The following GATA6 variants were observed in gnomAD, a reference collection of about 807,000 sequenced individuals.
The protein encoded by GATA6 is transcription factor GATA-6.
A neutral mutation model predicts 48.1 loss-of-function variants in GATA6; 11 were observed. That is an observed-to-expected ratio of 0.23 (90% confidence interval 0.14 to 0.38). The LOEUF is 0.38. Among genes scored for constraint, GATA6 ranks in the 10% least tolerant of loss-of-function variants. GATA6 has a pLI of 1.00. For synonymous variants in GATA6, 419 were observed against 396.1 expected, an observed-to-expected ratio of 1.06 and a Z score of -0.69; for missense variants, 795 against 850.3, an observed-to-expected ratio of 0.93 and a Z score of 0.81.
intron 6 of GATA6, among the ~76,000 whole-genome samples, chr18:22,194,722 AAC>A (rs1211912052): frequency 8.5e-5 from 8 of 94,048 alleles, no homozygotes; most frequent in African/African-American, 2.4e-4. Flanking sequence ...CCCCCCTCCC[AAC>A]ACACACACAT....
intron 6 of GATA6, among the ~76,000 whole-genome samples, chr18:22,199,178 C>T (rs2033426374): frequency 6.6e-6 from 1 of 152,180 alleles, no homozygotes; most frequent in African/African-American, 2.4e-5. Context: ...AGAGTTGGAC[C>T]TCATTCACTT....
intron 6 of GATA6, among the ~76,000 whole-genome samples, chr18:22,199,901 A>C (rs2033434556): frequency 1.1e-5 from 1 of 95,206 alleles, no homozygotes; most frequent in Admixed American, 1.0e-4. Flanking sequence ...ACTCTGTTTC[A>C]AAAAAAAAAA....
chr18:22,175,380 G>A (rs1456465637), intron 2 of GATA6: 1 of 152,128 alleles, frequency 6.6e-6, no homozygotes, highest in African/African-American at 2.4e-5. Flanking sequence ...CCCAGTCATA[G>A]GACTGGGTTT....
At chr18:22,180,726 TAATAA>T (rs34076816) in intron 3 of GATA6, among the ~76,000 whole-genome samples, 6,143 of 152,142 alleles carry the variant, frequency 0.04, 387 homozygotes, top group African/African-American at 0.13. Context: ...AAGCCATTTC[TAATAA>T]TGTACTTTCA....
intron 6 of GATA6, among the ~76,000 whole-genome samples, chr18:22,195,557 CAATTT>C (rs2033379377): frequency 1.3e-5 from 2 of 152,172 alleles, no homozygotes; most frequent in African/African-American, 4.8e-5. Context: ...CTATGCAATT[CAATTT>C]AAGTATTCAA....
rs1362455201 is a variant in GATA6, at chr18:22,200,662, G to A, written c.1627G>A (p.Ala543Thr). 6.2e-7 allele frequency: 1 copy of A among 1,614,250 alleles called. No homozygotes were observed. Among genetic ancestry groups the A allele is most frequent in the South Asian group, 1.1e-5 (1 of 91,084 alleles). The stretch of plus-strand genomic sequence containing the variant: ...TGTCCCCCTCTTCTGCCAGGCGGGT[G>A]CCCCGGTGATGACTGGTGCGGGAGA... ...TTQPTASGAG[A>T]PVMTGAGEST... is the part of the protein sequence containing the mutation. The change falls in exon 7 of 7, where the codon GCC becomes ACC. Residue 543 changes from alanine (A) to threonine (T), a missense_variant. By Grantham distance (58) the Ala-to-Thr change is moderately conservative (BLOSUM62 0). Around this residue, in one of 5 missense-constraint regions of GATA6, gnomAD observed 103 missense variants for 103.7 expected, o/e 0.99. Coordinates refer to ENST00000269216, the MANE Select transcript of GATA6 (RefSeq NM_005257.6).
chr18:22,185,486 C>T lies in GATA6; in HGVS notation c.1620+2443C>T, dbSNP rs576000603. On this transcript the variant is annotated intron_variant, in intron 6 of 6. Coordinates refer to ENST00000269216, the MANE Select transcript of GATA6 (RefSeq NM_005257.6). This position sits in a 1 kb window ranked among gnomAD's most constrained non-coding sequence, Gnocchi z 4.3. ...TCCGAGCTCTCCAGCCTCTGGGCTG[C>T]GCAGCAGAAACACTGACTGCCATTA... 2.0e-5 allele frequency among the ~76,000 whole-genome samples: 3 copies of T among 152,370 alleles called. No individual in the cohort carries two copies. In the South Asian group the frequency reaches 6.2e-4, roughly 32 times the overall value.
At chr18:22,181,414 A>G in intron 3 of GATA6, 39 bp from the exon 4 acceptor site, 3 of 1,608,700 alleles carry the variant, frequency 1.9e-6, no homozygotes, top group Non-Finnish European at 2.6e-6. Context: ...TATATATGTC[A>G]CTTATATTTT....
At chr18:22,175,574 T>G (rs1382257541) in intron 2 of GATA6, 1 of 152,238 alleles carries the variant, frequency 6.6e-6, no homozygotes, top group Non-Finnish European at 1.5e-5. Flanking sequence ...GTGTTGTAAG[T>G]TGCAGTATCC....
rs1271191662 is a variant in GATA6, at chr18:22,170,142, A to G, written c.-38+460A>G. Among the ~76,000 whole-genome samples the G allele has an allele frequency of 6.6e-6, 1 of 151,748 alleles. No individual in the cohort carries two copies. The highest frequency in any genetic ancestry group is 2.4e-5 in the African/African-American group (1 of 41,256). On this transcript the variant is annotated intron_variant, in intron 1 of 6. Transcript: ENST00000269216. The surrounding 1 kb of genome is among the most constrained non-coding windows in gnomAD (Gnocchi z 6.7). ...TCCCTGTCATTCTTCCTGCTCTCCC[A>G]TTTGGGGTCGCCTCGGCTCTGGGGC...
Position 22,170,245 on chromosome 18 carries a change from G to C in GATA6, c.-38+563G>C. ...CTCTCCGCTCCACCCCGCTACGTCC[G>C]ATTCCGGAACGGTCCGGCGTTTCTG... On this transcript the variant is annotated intron_variant, in intron 1 of 6. Coordinates refer to ENST00000269216, the MANE Select transcript of GATA6 (RefSeq NM_005257.6). The surrounding 1 kb of genome is among the most constrained non-coding windows in gnomAD (Gnocchi z 6.7). 6.6e-6 allele frequency among the ~76,000 whole-genome samples: 1 copy of C among 152,144 alleles called. No individual in the cohort carries two copies. The highest frequency in any genetic ancestry group is 1.9e-4 in the East Asian group (1 of 5,172).
intron 4 of GATA6, 88 bp downstream of exon 4, chr18:22,181,666 TACTC>T: frequency 6.8e-7 from 1 of 1,475,646 alleles, no homozygotes; most frequent in South Asian, 1.1e-5. Flanking sequence ...AAATGAAAGA[TACTC>T]AAGTGAAAAA....
rs1219288179 is a variant in GATA6, at chr18:22,172,998, A to C, written c.1135+719A>C. Among the ~76,000 whole-genome samples, 1 of 152,184 alleles carries C rather than the reference A, an allele frequency of 6.6e-6. No individual in the cohort carries two copies. Among genetic ancestry groups the C allele is most frequent in the Non-Finnish European group, 1.5e-5 (1 of 68,026 alleles). On this transcript the variant is annotated intron_variant, in intron 2 of 6. Transcript: ENST00000269216. This position sits in a 1 kb window ranked among gnomAD's most constrained non-coding sequence, Gnocchi z 5.2. The stretch of plus-strand genomic sequence containing the variant: ...GCCTTGGTCTGGGGCTGCTGCTCAC[A>C]TGGCCAGGCTGCAACTCAGGGATCC...
At chr18:22,187,300 G>A (rs1283730001) in intron 6 of GATA6, among the ~76,000 whole-genome samples, 1 of 152,056 alleles carries the variant, frequency 6.6e-6, no homozygotes, top group Non-Finnish European at 1.5e-5. Flanking sequence ...GACCAACATG[G>A]AGAAACCCCG....
At chr18:22,183,787 C>A (rs1243303178) in intron 6 of GATA6, among the ~76,000 whole-genome samples, 1 of 152,198 alleles carries the variant, frequency 6.6e-6, no homozygotes, top group Non-Finnish European at 1.5e-5. Context: ...CCAAATTTAC[C>A]TGGAATGCCC....
intron 6 of GATA6, among the ~76,000 whole-genome samples, chr18:22,194,171 C>T (rs928690798): frequency 1.3e-5 from 2 of 152,220 alleles, no homozygotes; most frequent in African/African-American, 4.8e-5. Context: ...CCCAAGCTCT[C>T]CCTGAAGTCA....
intron 6 of GATA6, among the ~76,000 whole-genome samples, chr18:22,196,333 A>G (rs1343158932): frequency 6.6e-6 from 1 of 152,092 alleles, no homozygotes; most frequent in Non-Finnish European, 1.5e-5. Flanking sequence ...ATAGCTTAAC[A>G]TTTTGTCTGA....
At chr18:22,186,492 C>G (rs2143312063) in intron 6 of GATA6, among the ~76,000 whole-genome samples, 1 of 152,286 alleles carries the variant, frequency 6.6e-6, no homozygotes, top group Admixed American at 6.5e-5. Flanking sequence ...ATTGTAAGTC[C>G]TGGGACATGA....
At chr18:22,184,755 T>A (rs943047170) in intron 6 of GATA6, among the ~76,000 whole-genome samples, 8 of 152,034 alleles carry the variant, frequency 5.3e-5, no homozygotes, top group Non-Finnish European at 1.2e-4. Flanking sequence ...TACCTCAGCC[T>A]CCCAAAGTGC....
Sources: allele counts gnomAD v4.1 joint callset (sites outside exome capture counted in the v4.1 genomes callset), GRCh38; gene constraint gnomAD v4.1.1; regional missense constraint gnomAD v4.1.1; non-coding constraint Gnocchi (gnomAD v3.1); transcripts MANE v1.5; gene names NCBI Gene and HGNC (gene_info 2026-07-23, HGNC 2026-07-21).